The following ADGRL3 variants were observed in gnomAD, a reference collection of about 807,000 sequenced individuals.
ADGRL3 encodes the protein adhesion G protein-coupled receptor L3, also known as calcium-independent alpha-latrotoxin receptor 3.
Under a neutral mutation model 153.5 loss-of-function variants are expected in ADGRL3, and 62 were observed. That is an observed-to-expected ratio of 0.40 (90% CI 0.33 to 0.50). ADGRL3 has a LOEUF of 0.50. Among genes scored for constraint, ADGRL3 ranks in the 20% least tolerant of loss-of-function variants. ADGRL3 has a pLI of 0.47. For missense variants in ADGRL3, 1,641 were observed against 1,859.4 expected (o/e 0.88, Z 2.16); for synonymous variants, 710 against 672.5 (o/e 1.06, Z -0.86).
chr4:61,768,348 A>G (rs899750836), intron 8 of ADGRL3, among the ~76,000 whole-genome samples: 7 of 151,842 alleles, frequency 4.6e-5, no homozygotes, highest in South Asian at 2.1e-4. Context: ...AGGAGGGGAG[A>G]GGTCAGATGG....
At chr4:62,049,318 C>A (rs1266618902) in intron 25 of ADGRL3, among the ~76,000 whole-genome samples, 2 of 152,092 alleles carry the variant, frequency 1.3e-5, no homozygotes, top group African/African-American at 4.8e-5. Flanking sequence ...GCTTGGCTAG[C>A]ATCATGGGTT....
intron 9 of ADGRL3, among the ~76,000 whole-genome samples, chr4:61,857,164 T>C (rs2098284180): frequency 6.6e-6 from 1 of 151,396 alleles, no homozygotes; most frequent in African/African-American, 2.4e-5. Flanking sequence ...ACTCCAGGCC[T>C]CAAACAATTC....
Position 61,936,784 on chromosome 4 carries a change from A to ACACACACACG in ADGRL3, c.2419+748_2419+749insGCACACACAC, listed in dbSNP as rs1337117820. Among the ~76,000 whole-genome samples, 8 of 135,816 alleles carry ACACACACACG rather than the reference A, an allele frequency of 5.9e-5. No individual in the cohort carries two copies. In the East Asian group the frequency reaches 1.6e-3, roughly 27 times the overall value. 89.1% of individuals were successfully genotyped at this position (135,816 alleles called of 152,430 possible). ...TTTGTACATATGTACATATGCATAC[A>ACACACACACG]CACACACACACACACACACACACAC... On this transcript the variant is annotated intron_variant, in intron 15 of 26. Coordinates refer to ENST00000683033, the MANE Select transcript of ADGRL3 (RefSeq NM_001387552.1).
At chr4:61,587,832 AAG>A (rs1454500593) in intron 5 of ADGRL3, among the ~76,000 whole-genome samples, 1 of 152,030 alleles carries the variant, frequency 6.6e-6, no homozygotes, top group East Asian at 1.9e-4. Context: ...TAGGGAAAAA[AAG>A]AAGTAAAAAT....
intron 8 of ADGRL3, among the ~76,000 whole-genome samples, chr4:61,752,751 G>T (rs1281806148): frequency 1.3e-5 from 2 of 152,034 alleles, no homozygotes; most frequent in African/African-American, 4.8e-5. Context: ...TGGACAACAT[G>T]GTGAGACCTC....
intron 1 of ADGRL3, among the ~76,000 whole-genome samples, chr4:61,206,069 T>C (rs151041966): frequency 1.3e-5 from 2 of 152,156 alleles, no homozygotes; most frequent in Admixed American, 1.3e-4. Context: ...TTTATTTATT[T>C]TGAGGGGTGG....
chr4:61,324,540 T>C (rs146603941), intron 1 of ADGRL3, among the ~76,000 whole-genome samples: 3 of 152,262 alleles, frequency 2.0e-5, no homozygotes, highest in Non-Finnish European at 2.9e-5. Context: ...ATTTTCAGAT[T>C]AGAAAATCAA....
At chr4:61,888,072 A>C (rs2149548854) in intron 9 of ADGRL3, among the ~76,000 whole-genome samples, 1 of 152,326 alleles carries the variant, frequency 6.6e-6, no homozygotes, top group Middle Eastern at 3.4e-3. Flanking sequence ...CAGGAGAATT[A>C]AAATTTTCTT....
chr4:61,815,970 G>C (rs547887872), intron 9 of ADGRL3, among the ~76,000 whole-genome samples: 2 of 152,290 alleles, frequency 1.3e-5, no homozygotes, highest in African/African-American at 2.4e-5. Flanking sequence ...TTTTGTTATA[G>C]CATCACAAAC....
chr4:61,318,888 A>G (rs963228223), intron 1 of ADGRL3, among the ~76,000 whole-genome samples: 9 of 152,210 alleles, frequency 5.9e-5, no homozygotes, highest in African/African-American at 2.2e-4. Flanking sequence ...ATTGACAGTC[A>G]ATACTCATTA....
chr4:61,781,829 T>C (rs975589747), intron 8 of ADGRL3, among the ~76,000 whole-genome samples: 1 of 152,166 alleles, frequency 6.6e-6, no homozygotes, highest in Non-Finnish European at 1.5e-5. Flanking sequence ...CTAATAGCCA[T>C]CATGATTACC....
At chr4:61,702,262 T>G (rs2095779760) in intron 6 of ADGRL3, among the ~76,000 whole-genome samples, 2 of 152,170 alleles carry the variant, frequency 1.3e-5, no homozygotes, top group South Asian at 4.1e-4. Context: ...GCTCTCAAAA[T>G]AAGCTACTCG....
intron 3 of ADGRL3, among the ~76,000 whole-genome samples, chr4:61,507,095 G>T (rs2098435626): frequency 6.6e-6 from 1 of 152,100 alleles, no homozygotes; most frequent in Non-Finnish European, 1.5e-5. Flanking sequence ...CATACAAATT[G>T]ACAATGGTGG....
chr4:61,437,349 C>T lies in ADGRL3; in HGVS notation c.-174+54160C>T, dbSNP rs147870424. On this transcript the variant is annotated intron_variant, in intron 2 of 26. Coordinates refer to ENST00000683033, the MANE Select transcript of ADGRL3 (RefSeq NM_001387552.1). The stretch of plus-strand genomic sequence containing the variant: ...CTAAAAATATTCTTTGCATTTTTGT[C>T]ATTGCAAAGTTTATTCAGTATAACA... 3.1e-3 allele frequency among the ~76,000 whole-genome samples: 478 copies of T among 152,198 alleles called. 1 individual carries two copies. The highest frequency in any genetic ancestry group is 0.011 in the African/African-American group (443 of 41,526).
chr4:61,637,288 T>C (rs1390761818), intron 5 of ADGRL3, among the ~76,000 whole-genome samples: 1 of 152,070 alleles, frequency 6.6e-6, no homozygotes, highest in Non-Finnish European at 1.5e-5. Flanking sequence ...CACACACACA[T>C]AGGTAGAAAA....
chr4:61,954,241 A>C (rs2150381623), intron 17 of ADGRL3, among the ~76,000 whole-genome samples: 1 of 151,826 alleles, frequency 6.6e-6, no homozygotes, highest in Non-Finnish European at 1.5e-5. Context: ...TTATTTGTTT[A>C]TTTTCATTCA....
intron 4 of ADGRL3, among the ~76,000 whole-genome samples, chr4:61,522,074 C>T (rs752240262): frequency 1.3e-5 from 2 of 152,058 alleles, no homozygotes; most frequent in Non-Finnish European, 2.9e-5. Flanking sequence ...CTTCTACTTC[C>T]CAGTAATACC....
At chr4:61,476,233 T>G (rs1239440496) in intron 2 of ADGRL3, among the ~76,000 whole-genome samples, 1 of 152,122 alleles carries the variant, frequency 6.6e-6, no homozygotes, top group African/African-American at 2.4e-5. Flanking sequence ...CTTTTATTTT[T>G]TTTATTTTTT....
intron 5 of ADGRL3, among the ~76,000 whole-genome samples, chr4:61,623,398 A>C (rs1266542739): frequency 6.6e-6 from 1 of 152,062 alleles, no homozygotes; most frequent in Non-Finnish European, 1.5e-5. Flanking sequence ...TTTAAGAGAA[A>C]AGATTGTGTT....
Sources: allele counts gnomAD v4.1 joint callset (sites outside exome capture counted in the v4.1 genomes callset), GRCh38; gene constraint gnomAD v4.1.1; transcripts MANE v1.5; gene names NCBI Gene and HGNC (gene_info 2026-07-23, HGNC 2026-07-21).